Variants in TTBK2 observed in about 807,000 individuals in gnomAD.
The protein encoded by TTBK2 is tau tubulin kinase 2.
Under a neutral mutation model 110.8 loss-of-function variants are expected in TTBK2, and 28 were observed. The observed-to-expected ratio is 0.25, with a 90% CI of 0.19 to 0.35. The LOEUF (loss-of-function observed/expected upper bound fraction) is 0.35. TTBK2 is among the 10% of genes least tolerant of loss of function. TTBK2 has a pLI of 1.00. For synonymous variants in TTBK2, 532 were observed against 527.3 expected (o/e 1.01, Z -0.12); for missense variants, 1,369 against 1,500.3 (o/e 0.91, Z 1.45).
At chr15:42,869,960 TGAA>T (rs1894548430) in intron 3 of TTBK2, among the ~76,000 whole-genome samples, 1 of 152,076 alleles carries the variant, frequency 6.6e-6, no homozygotes, top group Non-Finnish European at 1.5e-5. Context: ...GAGGACAGTC[TGAA>T]GTCTGGAGTT....
At chr15:42,811,419 G>C (rs1379093167) in intron 8 of TTBK2, among the ~76,000 whole-genome samples, 1 of 151,926 alleles carries the variant, frequency 6.6e-6, no homozygotes, top group East Asian at 1.9e-4. Flanking sequence ...AAAAACAAAG[G>C]GGAGAACTAA....
Position 42,816,085 on chromosome 15 carries a change from AATATATATAT to A in TTBK2, c.603+937_603+946del, listed in dbSNP as rs71431870. Among the ~76,000 whole-genome samples, 86 of 67,448 alleles carry A rather than the reference AATATATATAT, an allele frequency of 1.3e-3. 4 individuals carry two copies. The highest frequency in any genetic ancestry group is 4.8e-3 in the African/African-American group (63 of 13,164). The allele number at this position is 67,448 out of a possible 152,430, so 44.2% of individuals were successfully genotyped here. A position where few individuals can be genotyped will look rare whatever the true frequency, so the allele number is the denominator to read the frequency against. ...ATATATATATAAAAATAAATAAATAAATATATATATATATATATATATATATATATATATG... is the reference window on the plus strand; with the variant it reads ...ATATATATATAAAAATAAATAAATAAATATATATATATATATATATATATG... On this transcript the variant is annotated intron_variant, in intron 7 of 14. Transcript: ENST00000267890.
Position 42,816,081 on chromosome 15 carries a change from AATAAATATATATATATAT to A in TTBK2, c.603+933_603+950del, listed in dbSNP as rs1373149637. On this transcript the variant is annotated intron_variant, in intron 7 of 14. Transcript: ENST00000267890. ...AAATATATATATATAAAAATAAATAAATAAATATATATATATATATATATATATATATATATATGTGTA... is the reference window on the plus strand; with the variant it reads ...AAATATATATATATAAAAATAAATAAATATATATATATATATATATGTGTA... Among the ~76,000 whole-genome samples, 181 of 60,298 alleles carry A rather than the reference AATAAATATATATATATAT, an allele frequency of 3.0e-3. 5 individuals carry two copies. The East Asian group carries it at 0.075, about 25-fold the overall frequency. The allele number at this position is 60,298 out of a possible 152,430, so 39.6% of individuals were successfully genotyped here.
At chr15:42,813,049 A>G (rs1891789487) in intron 7 of TTBK2, among the ~76,000 whole-genome samples, 1 of 152,134 alleles carries the variant, frequency 6.6e-6, no homozygotes, top group African/African-American at 2.4e-5. Context: ...TGGGAAAAAG[A>G]GTATAAAGAG....
At chr15:42,917,605 T>C (rs947552665) in intron 1 of TTBK2, among the ~76,000 whole-genome samples, 5 of 152,024 alleles carry the variant, frequency 3.3e-5, no homozygotes, top group Middle Eastern at 3.4e-3. Context: ...TTCAGTACTT[T>C]CGGCATAAAA....
intron 13 of TTBK2, among the ~76,000 whole-genome samples, chr15:42,761,323 C>A (rs1485233360): frequency 6.6e-6 from 1 of 152,098 alleles, no homozygotes; most frequent in African/African-American, 2.4e-5. Flanking sequence ...AAAAAATAAA[C>A]TGGATTATAT....
intron 6 of TTBK2, among the ~76,000 whole-genome samples, chr15:42,819,760 A>C (rs149848471): frequency 6.6e-6 from 1 of 152,352 alleles, no homozygotes; most frequent in East Asian, 1.9e-4. Context: ...ATTGTCTAAG[A>C]GAATATATGA....
chr15:42,817,965 C>T (rs1892111297), intron 6 of TTBK2, among the ~76,000 whole-genome samples: 1 of 152,226 alleles, frequency 6.6e-6, no homozygotes, highest in Non-Finnish European at 1.5e-5. Flanking sequence ...GCTCCCCCAT[C>T]TGTGGTGCCA....
chr15:42,871,508 A>C, intron 3 of TTBK2: 1 of 985,344 alleles, frequency 1.0e-6, no homozygotes, highest in Non-Finnish European at 1.2e-6. Flanking sequence ...CACCAAGCTG[A>C]TGCTGACATA....
chr15:42,899,667 GA>G (rs1309774301), intron 1 of TTBK2, among the ~76,000 whole-genome samples: 1 of 152,052 alleles, frequency 6.6e-6, no homozygotes, highest in Non-Finnish European at 1.5e-5. Flanking sequence ...TTGAACCCAG[GA>G]GGCGGAGGTT....
At chr15:42,892,496 C>T (rs1264146550) in intron 1 of TTBK2, among the ~76,000 whole-genome samples, 2 of 151,692 alleles carry the variant, frequency 1.3e-5, no homozygotes, top group African/African-American at 4.8e-5. Flanking sequence ...TGATTGAGCT[C>T]AGGGGTTCAA....
At chr15:42,882,248 A>T (rs966954440) in intron 1 of TTBK2, among the ~76,000 whole-genome samples, 4 of 151,944 alleles carry the variant, frequency 2.6e-5, no homozygotes, top group African/African-American at 9.7e-5. Context: ...AACAACTCTT[A>T]AACATATCAT....
intron 13 of TTBK2, among the ~76,000 whole-genome samples, chr15:42,771,931 C>T (rs1289726924): frequency 2.6e-5 from 4 of 151,912 alleles, no homozygotes; most frequent in African/African-American, 7.3e-5. Context: ...GCCCTCGGTA[C>T]GAAAAGAGAA....
chr15:42,900,643 A>C (rs1439375488), intron 1 of TTBK2, among the ~76,000 whole-genome samples: 1 of 151,596 alleles, frequency 6.6e-6, no homozygotes, highest in Non-Finnish European at 1.5e-5. Context: ...AATCGCTTGA[A>C]CCCGGGAGGT....
Position 42,899,479 on chromosome 15 carries a change from G to A in TTBK2, c.-67-20795C>T, listed in dbSNP as rs1018134593. Among the ~76,000 whole-genome samples the A allele has an allele frequency of 7.4e-5, 11 of 148,666 alleles. No homozygotes were observed. The East Asian group carries it at 1.9e-3, about 26-fold the overall frequency. On this transcript the variant is annotated intron_variant, in intron 1 of 14. Coordinates refer to ENST00000267890, the MANE Select transcript of TTBK2 (RefSeq NM_173500.4). ...GGTGTGGCCGGGCACGGTGGCTCAC[G>A]CCTGTAATCCCAGCACTTTGGGAGG...
chr15:42,851,633 T>C (rs187336846), intron 3 of TTBK2, among the ~76,000 whole-genome samples: 204 of 151,962 alleles, frequency 1.3e-3, no homozygotes, highest in African/African-American at 4.8e-3. Flanking sequence ...TACATACATA[T>C]ATAAACATAT....
intron 3 of TTBK2, among the ~76,000 whole-genome samples, chr15:42,857,816 C>T (rs932325197): frequency 4.6e-5 from 7 of 152,024 alleles, no homozygotes; most frequent in Admixed American, 4.6e-4. Flanking sequence ...GGCTCTGTGG[C>T]TCACATCTGT....
At position 42,752,930 on chromosome 15, in the gene TTBK2, A is replaced by G. The variant is rs776781931; in HGVS notation, c.2316T>C (p.Asn772=). The G allele has an allele frequency of 6.2e-7, 1 of 1,614,028 alleles. No homozygotes were observed. The highest frequency in any genetic ancestry group is 8.5e-7 in the Non-Finnish European group (1 of 1,180,012). The change falls in exon 14 of 15, where the codon AAT becomes AAC. Residue 772 remains asparagine, a synonymous_variant. Coordinates refer to ENST00000267890, the MANE Select transcript of TTBK2 (RefSeq NM_173500.4). Reference sequence around the variant, plus strand: ...TTTTCTCTTCAGTTTCCCCAGGGAGATTTTCAAATTCTCTCACAACCAGTC... The same window carrying G: ...TTTTCTCTTCAGTTTCCCCAGGGAGGTTTTCAAATTCTCTCACAACCAGTC... ...HNRLVVREFE[N]LPGETEEKSI...
rs1171231337 is a variant in TTBK2 at position 42,784,827 on chromosome 15, G to A, written c.981-1192C>T. ...ATTGGCATCAGAGAAGCTTTTGGGA[G>A]CTGGCAGGCTCTGACTGGTGAGTGA... On this transcript the variant is annotated intron_variant, in intron 10 of 14. Transcript: ENST00000267890. Among the ~76,000 whole-genome samples the A allele has an allele frequency of 7.2e-5, 11 of 152,258 alleles. No homozygotes were observed. In the South Asian group the frequency reaches 2.3e-3, roughly 32 times the overall value.
Sources: gnomAD v4.1 joint callset for allele counts (sites outside exome capture counted in the v4.1 genomes callset) on GRCh38, gnomAD v4.1.1 for gene constraint, MANE v1.5 for transcripts, NCBI Gene and HGNC (gene_info 2026-07-23, HGNC 2026-07-21) for gene names.